Variants in CEP350 observed in about 807,000 individuals in gnomAD.
CEP350 encodes centrosome-associated protein 350.
In CEP350, 126 loss-of-function variants were observed where a neutral mutation model predicts 331.8. The ratio of observed to expected loss-of-function variants is 0.38; its 90% confidence interval spans 0.33 to 0.44. The LOEUF (loss-of-function observed/expected upper bound fraction) is 0.44. Ranked by LOEUF, CEP350 falls within the 20% of genes least tolerant of loss-of-function variation. The probability of loss-of-function intolerance (pLI) is 1.00; values close to 1 mark genes in which losing one functional copy is unlikely to be tolerated. For missense variants in CEP350, 3,406 were observed against 3,634.6 expected (o/e 0.94, Z 1.62); for synonymous variants, 1,200 against 1,259.5 (o/e 0.95, Z 1.00).
At chr1:179,970,873 A>T (rs1249736487) in intron 1 of CEP350, among the ~76,000 whole-genome samples, 2 of 152,230 alleles carry the variant, frequency 1.3e-5, no homozygotes, top group Admixed American at 6.5e-5. Flanking sequence ...AGACTGCCTC[A>T]TGCAGTTGAC....
At chr1:179,975,481 G>A (rs1651789818) in intron 1 of CEP350, among the ~76,000 whole-genome samples, 1 of 152,014 alleles carries the variant, frequency 6.6e-6, no homozygotes, top group Admixed American at 6.6e-5. Flanking sequence ...TAAAGATGAT[G>A]CTTTGAACAG....
chr1:180,050,388 T>C (rs1657407189), intron 22 of CEP350, among the ~76,000 whole-genome samples: 1 of 151,850 alleles, frequency 6.6e-6, no homozygotes, highest in South Asian at 2.1e-4. Context: ...GAAGGCTGGG[T>C]GCAGTGGCTT....
chr1:179,998,340 ACT>A (rs1362892331), intron 6 of CEP350, among the ~76,000 whole-genome samples: 4 of 131,992 alleles, frequency 3.0e-5, no homozygotes, highest in African/African-American at 1.2e-4. Flanking sequence ...ACAGAGTCTC[ACT>A]CTGTCGCCCA....
intron 14 of CEP350, among the ~76,000 whole-genome samples, chr1:180,025,450 G>A (rs540758840): frequency 6.6e-6 from 1 of 152,232 alleles, no homozygotes; most frequent in East Asian, 1.9e-4. Context: ...TGATTGAGAT[G>A]CCCTTCAATG....
rs145767569 is a variant in CEP350, at chr1:180,111,183, G to T, written c.*22G>T. ...GTGACATCTTGCAAATAAATCGAAC[G>T]CTGAGTGCTAATGTGAGTCCTGGGC... On this transcript the variant is annotated 3_prime_UTR_variant, in exon 38 of 38. Transcript: ENST00000367607. 1 of 1,611,984 alleles carries T rather than the reference G, an allele frequency of 6.2e-7. No individual in the cohort carries two copies. Among genetic ancestry groups the T allele is most frequent in the Non-Finnish European group, 8.5e-7 (1 of 1,178,698 alleles).
At chr1:180,103,491 C>T (rs547156471) in intron 37 of CEP350, among the ~76,000 whole-genome samples, 1 of 152,212 alleles carries the variant, frequency 6.6e-6, no homozygotes, top group Non-Finnish European at 1.5e-5. Context: ...ACTTTTATAT[C>T]ATTCTGACCT....
At chr1:180,085,068 C>T (rs1659784094) in intron 31 of CEP350, among the ~76,000 whole-genome samples, 1 of 151,462 alleles carries the variant, frequency 6.6e-6, no homozygotes, top group Admixed American at 6.6e-5. Flanking sequence ...TCCCTGTCCC[C>T]TTTTTTTCTC....
chr1:179,954,970 C>T lies in CEP350; in HGVS notation c.-186C>T. On this transcript the variant is annotated 5_prime_UTR_variant, in exon 1 of 38. Coordinates refer to ENST00000367607, the MANE Select transcript of CEP350 (RefSeq NM_014810.5). ...GCAGCCTTTCCGCCTTGTCTTCCTT[C>T]CCAGCGGACCGGCGGATCCCCGGAG... 8.4e-7 allele frequency: 1 copy of T among 1,195,136 alleles called. No individual in the cohort carries two copies. Among genetic ancestry groups the T allele is most frequent in the Non-Finnish European group, 1.1e-6 (1 of 925,958 alleles). The allele number at this position is 1,195,136 out of a possible 1,614,324, so 74.0% of individuals were successfully genotyped here. A position where few individuals can be genotyped will look rare whatever the true frequency, so the allele number is the denominator to read the frequency against.
Position 180,107,961 on chromosome 1 carries a change from A to G in CEP350, c.9190-3036A>G, listed in dbSNP as rs538955119. On this transcript the variant is annotated intron_variant, in intron 37 of 37. Transcript: ENST00000367607. ...TATCTTCAGGAGCAGGATCGGGGAA[A>G]TGAGTCATAGAATATAATAGACTCT... Among the ~76,000 whole-genome samples the G allele has an allele frequency of 8.5e-4, 129 of 152,278 alleles. 1 individual carries two copies. Among genetic ancestry groups the G allele is most frequent in the African/African-American group, 3.1e-3 (127 of 41,560 alleles).
chr1:180,044,216 T>A, intron 21 of CEP350, 43 bp downstream of exon 21: 1 of 1,481,810 alleles, frequency 6.7e-7, no homozygotes, highest in Admixed American at 2.5e-5. Flanking sequence ...TTTAGTAGAT[T>A]GTGATAAATG....
At chr1:179,963,654 A>G (rs1650792648) in intron 1 of CEP350, among the ~76,000 whole-genome samples, 1 of 151,526 alleles carries the variant, frequency 6.6e-6, no homozygotes, top group Non-Finnish European at 1.5e-5. Context: ...TTATAGGTGT[A>G]TGGCTTTATT....
chr1:180,099,036 CA>C, intron 37 of CEP350, 51 bp downstream of exon 37: 1 of 1,557,832 alleles, frequency 6.4e-7, no homozygotes, highest in South Asian at 1.2e-5. Context: ...CTTTTAAACT[CA>C]GAATGCAGTT....
intron 1 of CEP350, among the ~76,000 whole-genome samples, chr1:179,957,821 C>T (rs550254186): frequency 2.6e-5 from 4 of 152,276 alleles, no homozygotes; most frequent in South Asian, 2.1e-4. Flanking sequence ...CAACAGGTTA[C>T]GGTAATTTAA....
chr1:179,971,970 C>A (rs1268429479), intron 1 of CEP350, among the ~76,000 whole-genome samples: 1 of 152,142 alleles, frequency 6.6e-6, no homozygotes, highest in African/African-American at 2.4e-5. Context: ...ATTATAACTT[C>A]AGAGTAGAAA....
chr1:179,978,256 A>G (rs1652018888), intron 1 of CEP350, among the ~76,000 whole-genome samples: 1 of 152,198 alleles, frequency 6.6e-6, no homozygotes, highest in East Asian at 1.9e-4. Context: ...TTAAATTAAA[A>G]AAAAATTTAA....
Position 180,020,188 on chromosome 1 carries a change from C to G in CEP350, c.2414C>G (p.Ala805Gly). Residue 805 changes from alanine to glycine, a missense_variant, in exon 12 of 38, where the codon GCT becomes GGT. By Grantham distance (60) the Ala-to-Gly change is moderately conservative. This residue lies in a region of CEP350 where 1,857 missense variants were observed against 1,909.2 expected (regional missense o/e 0.97). Transcript: ENST00000367607. ...CAACCATATGTGACCTCACCAGCTG[C>G]TTATACAGATGCCTTGTTAAAACCT... is the stretch of plus-strand genomic sequence containing the variant. Reference protein sequence around the residue: ...TPQPYVTSPAAYTDALLKPSA... With the variant: ...TPQPYVTSPAGYTDALLKPSA... 9 of 1,614,028 alleles carry G rather than the reference C, an allele frequency of 5.6e-6. No individual in the cohort carries two copies. The highest frequency in any genetic ancestry group is 7.6e-6 in the Non-Finnish European group (9 of 1,179,900).
chr1:180,015,847 A>G lies in CEP350; in HGVS notation c.2053-2A>G. On this transcript the variant is annotated splice_acceptor_variant, in intron 10 of 37. Transcript: ENST00000367607. LOFTEE classifies it high-confidence loss of function. ...TATAAATTTGATGTCCTTTTCTCCT[A>G]GGCCAAACCAGGGTATCAGCCATCT... 1 of 1,612,826 alleles carries G rather than the reference A, an allele frequency of 6.2e-7. No homozygotes were observed.
intron 1 of CEP350, among the ~76,000 whole-genome samples, chr1:179,984,507 T>C (rs751295829): frequency 2.0e-5 from 3 of 152,226 alleles, no homozygotes; most frequent in Non-Finnish European, 2.9e-5. Flanking sequence ...TTGACTGTTC[T>C]TAGGACATGG....
At chr1:180,089,471 T>C (rs529768845) in intron 32 of CEP350, among the ~76,000 whole-genome samples, 3 of 151,480 alleles carry the variant, frequency 2.0e-5, no homozygotes, top group South Asian at 2.1e-4. Flanking sequence ...TAATCCCAGC[T>C]ACTCAGGAGG....
Sources: gnomAD v4.1 joint callset for allele counts (sites outside exome capture counted in the v4.1 genomes callset) on GRCh38, gnomAD v4.1.1 for gene constraint, gnomAD v4.1.1 regional missense constraint, MANE v1.5 for transcripts, NCBI Gene and HGNC (gene_info 2026-07-23, HGNC 2026-07-21) for gene names.